Variants in KMT2D observed in about 807,000 individuals in gnomAD.
KMT2D encodes the protein lysine methyltransferase 2D.
KMT2D carries 55 observed loss-of-function variants against 512.7 expected under a neutral mutation model. The observed-to-expected ratio is 0.11, with a 90% CI of 0.09 to 0.13. The LOEUF (loss-of-function observed/expected upper bound fraction) is 0.13, where lower values mean the gene tolerates loss of function less well. Among genes scored for constraint, KMT2D ranks in the 10% least tolerant of loss-of-function variants. The pLI, the probability that KMT2D is intolerant of heterozygous loss-of-function variation, is 1.00. For missense variants in KMT2D, 6,061 were observed against 7,127.9 expected, an observed-to-expected ratio of 0.85 and a Z score of 5.39; for synonymous variants, 2,995 against 2,904.0, an observed-to-expected ratio of 1.03 and a Z score of -1.01.
chr12:49,024,202 G>A lies in KMT2D; in HGVS notation c.16052+376C>T. The A allele has an allele frequency of 1.6e-5, 7 of 441,116 alleles. No homozygotes were observed. The highest frequency in any genetic ancestry group is 3.1e-5 in the Non-Finnish European group (7 of 229,346). The allele number at this position is 441,116 out of a possible 1,614,324, so 27.3% of individuals were successfully genotyped here. On this transcript the variant is annotated intron_variant, in intron 51 of 54. Coordinates refer to ENST00000301067, the MANE Select transcript of KMT2D (RefSeq NM_003482.4). This position sits in a 1 kb window ranked among gnomAD's most constrained non-coding sequence, Gnocchi z 4.5. Reference sequence around the variant, plus strand: ...TTTTGACACCAACACTCATGGGGAAGGGAAGGTGACCCTAGCACCCATGGG... The same window carrying A: ...TTTTGACACCAACACTCATGGGGAAAGGAAGGTGACCCTAGCACCCATGGG...
At position 49,060,236 on chromosome 12, in the gene KMT2D, C is replaced by G. The variant is rs1229007222; in HGVS notation, c.-661G>C. Among the ~76,000 whole-genome samples the G allele has an allele frequency of 6.6e-6, 1 of 152,036 alleles. No individual in the cohort carries two copies. The highest frequency in any genetic ancestry group is 1.9e-4 in the East Asian group (1 of 5,170). The stretch of plus-strand genomic sequence containing the variant: ...CTTCTCGACCCCGAGCGCTCACCCT[C>G]GGCGGCTTCGAGCCCCCCACCTTCT... On this transcript the variant is annotated 5_prime_UTR_variant, in exon 1 of 55. Coordinates refer to ENST00000301067, the MANE Select transcript of KMT2D (RefSeq NM_003482.4).
In KMT2D at chr12:49,041,551, A is replaced by C. The variant is rs1271829549; in HGVS notation, c.6235-16T>G. The C allele has an allele frequency of 6.2e-7, 1 of 1,613,094 alleles. No homozygotes were observed. The highest frequency in any genetic ancestry group is 1.3e-5 in the African/African-American group (1 of 74,964). On this transcript the variant is annotated splice_polypyrimidine_tract_variant and intron_variant, in intron 31 of 54. Coordinates refer to ENST00000301067, the MANE Select transcript of KMT2D (RefSeq NM_003482.4). This position sits in a 1 kb window ranked among gnomAD's most constrained non-coding sequence, Gnocchi z 5.4. ...TCTCAGCCTGCTACAGGGGGAGACC[A>C]GGCATAGGGCAGTCAGGCTGCTGCA...
rs1275062415 is a variant in KMT2D at position 49,053,640 on chromosome 12, C to T, written c.675G>A (p.Glu225=). 7 of 1,591,676 alleles carry T rather than the reference C, an allele frequency of 4.4e-6. No homozygotes were observed. The highest frequency in any genetic ancestry group is 6.0e-6 in the Non-Finnish European group (7 of 1,169,460). The change falls in exon 7 of 55, where the codon GAG becomes GAA. Residue 225 remains glutamate (E), a splice_region_variant and synonymous_variant. Transcript: ENST00000301067. ...CCTCACACACTGCACAGCGAGCCTC[C>T]TCTGCAGGGGGTAGAGACACCACAG... ...PEHSEGAAYL[E]EARCAVCEGP...
rs558509938 is a variant in KMT2D at position 49,051,693 on chromosome 12, G to A, written c.1990C>T (p.Pro664Ser). Reference sequence around the variant, plus strand: ...GACAAGGGAGATTCCTCAGGCGGTGGAGACAGGCGTGACACCACAGGCAGG... The same window carrying A: ...GACAAGGGAGATTCCTCAGGCGGTGAAGACAGGCGTGACACCACAGGCAGG... ...SPLPVVSRLSPPPEESPLSPP... is the reference protein window; with the variant it reads ...SPLPVVSRLSSPPEESPLSPP... Residue 664 changes from proline to serine, a missense_variant, in exon 11 of 55, where the codon CCA becomes TCA. By Grantham distance (74) the Pro-to-Ser change is moderately conservative. Around this residue, in one of 16 missense-constraint regions of KMT2D, gnomAD observed 848 missense variants for 838.5 expected, o/e 1.01. Transcript: ENST00000301067. The A allele has an allele frequency of 6.3e-7, 1 of 1,580,156 alleles. No homozygotes were observed. The highest frequency in any genetic ancestry group is 2.3e-5 in the East Asian group (1 of 44,164).
Position 49,043,616 on chromosome 12 carries a change from T to G in KMT2D, c.5467+19A>C, listed in dbSNP as rs78764337. The G allele has an allele frequency of 0.027, 43,905 of 1,613,334 alleles. 736 individuals carry two copies. The highest frequency in any genetic ancestry group is 0.029 in the Non-Finnish European group (34,751 of 1,179,490). ...AGAAAGTTGGATTCTCTCACACCACTCACTCCCACATAACTAACCTTTCTG... is the reference window on the plus strand; with the variant it reads ...AGAAAGTTGGATTCTCTCACACCACGCACTCCCACATAACTAACCTTTCTG... On this transcript the variant is annotated intron_variant, in intron 24 of 54. Transcript: ENST00000301067.
chr12:49,029,324 TCCATTGG>T, intron 44 of KMT2D, 70 bp downstream of exon 44: 1 of 1,582,640 alleles, frequency 6.3e-7, no homozygotes, highest in Admixed American at 1.7e-5. Context: ...ACTTGAAATC[TCCATTGG>T]CCAAAGGAAA....
At position 49,042,374 on chromosome 12, in the gene KMT2D, G is replaced by A; in HGVS notation, c.5868-44C>T. On this transcript the variant is annotated intron_variant, in intron 28 of 54. Coordinates refer to ENST00000301067, the MANE Select transcript of KMT2D (RefSeq NM_003482.4). The surrounding 1 kb of genome is among the most constrained non-coding windows in gnomAD (Gnocchi z 4.4). ...GAGTCACAGGGCGCAGGGATGCCAA[G>A]TCCCACCCCAGACAAACTGCCTAGA... The A allele has an allele frequency of 6.7e-7, 1 of 1,492,606 alleles. No individual in the cohort carries two copies. The highest frequency in any genetic ancestry group is 8.9e-7 in the Non-Finnish European group (1 of 1,119,630). The allele number at this position is 1,492,606 out of a possible 1,614,324, so 92.5% of individuals were successfully genotyped here.
chr12:49,046,632 G>C lies in KMT2D; in HGVS notation c.4395C>G (p.Pro1465=), dbSNP rs574333340. ...ACCACTTGCACTTCCAGCCGCCCTT[G>C]GGGACGGTGAGCAGTGGGGGGTCCA... is the stretch of plus-strand genomic sequence containing the variant. ...YCLDPPLLTV[P]KGGWKCKWCV... The change falls in exon 16 of 55, where the codon CCC becomes CCG. Residue 1465 remains proline (P), a synonymous_variant. Coordinates refer to ENST00000301067, the MANE Select transcript of KMT2D (RefSeq NM_003482.4). The surrounding 1 kb of genome is among the most constrained non-coding windows in gnomAD (Gnocchi z 4.2). The C allele has an allele frequency of 6.2e-7, 1 of 1,613,062 alleles. No homozygotes were observed. The highest frequency in any genetic ancestry group is 8.5e-7 in the Non-Finnish European group (1 of 1,179,238).
At chr12:49,034,731 T>C in intron 36 of KMT2D, 65 bp from the exon 37 acceptor site, 2 of 1,606,346 alleles carry the variant, frequency 1.2e-6, no homozygotes, top group Non-Finnish European at 1.7e-6. Flanking sequence ...CAAAGAGACG[T>C]GGGACAAGTA....
Position 49,026,502 on chromosome 12 carries a change from A to G in KMT2D, c.15464T>C (p.Val5155Ala), listed in dbSNP as rs779845432. Reference sequence around the variant, plus strand: ...CTTCACCTCGTCCCGCTCAATGTAGACCCGCCGGAAGACAGCAAAAGAGCT... The same window carrying G: ...CTTCACCTCGTCCCGCTCAATGTAGGCCCGCCGGAAGACAGCAAAAGAGCT... ...ELSSFAVFRR[V>A]YIERDEVKQI... The change falls in exon 49 of 55, where the codon GTC becomes GCC. Residue 5155 changes from valine to alanine, a missense_variant. Physicochemically the swap from Val to Ala is moderately conservative, Grantham distance 64. Coordinates refer to ENST00000301067, the MANE Select transcript of KMT2D (RefSeq NM_003482.4). This position sits in a 1 kb window ranked among gnomAD's most constrained non-coding sequence, Gnocchi z 9.6. 1 of 1,613,726 alleles carries G rather than the reference A, an allele frequency of 6.2e-7. No individual in the cohort carries two copies.
At chr12:49,053,763 C>T in intron 6 of KMT2D, 122 bp from the exon 7 acceptor site, 1 of 1,227,640 alleles carries the variant, frequency 8.1e-7, no homozygotes, top group South Asian at 1.5e-5. Context: ...TACTGAGTGC[C>T]TGCCCAACGT....
In KMT2D at chr12:49,060,580, C is replaced by T. The variant is rs1938692764; in HGVS notation, c.-1005G>A. On this transcript the variant is annotated 5_prime_UTR_variant, in exon 1 of 55. Transcript: ENST00000301067. ...AACCGGAGAGGAAAGTAGTGCAGCG[C>T]GGCGCCGCTCCGCCTCCCCCCCTCC... 6.6e-6 allele frequency among the ~76,000 whole-genome samples: 1 copy of T among 152,112 alleles called. No individual in the cohort carries two copies. Among genetic ancestry groups the T allele is most frequent in the Non-Finnish European group, 1.5e-5 (1 of 67,988 alleles).
rs753121118 is a variant in KMT2D, at chr12:49,041,260, T to G, written c.6510A>C (p.Gln2170His). Residue 2170 changes from glutamine to histidine, a missense_variant, in exon 32 of 55, where the codon CAA (glutamine) becomes CAC (histidine). Coordinates refer to ENST00000301067, the MANE Select transcript of KMT2D (RefSeq NM_003482.4). This position sits in a 1 kb window ranked among gnomAD's most constrained non-coding sequence, Gnocchi z 5.4. ...GTCCAAAGGGGTCCTGCGAAGGCAC[T>G]TGGGCGGGCACCTGGGGTGGGAGCT... ...FLKLPPQVPA[Q>H]VPSQDPFGLA... 2 of 1,518,196 alleles carry G rather than the reference T, an allele frequency of 1.3e-6. No homozygotes were observed. The highest frequency in any genetic ancestry group is 4.5e-5 in the Admixed American group (2 of 44,202). 94.0% of individuals were successfully genotyped at this position (1,518,196 alleles called of 1,614,324 possible).
Position 49,030,219 on chromosome 12 carries a change from C to T in KMT2D, c.13999+61G>A, listed in dbSNP as rs1057369361. 6 of 1,434,612 alleles carry T rather than the reference C, an allele frequency of 4.2e-6. No individual in the cohort carries two copies. In the African/African-American group the frequency reaches 7.0e-5, roughly 17 times the overall value. The allele number at this position is 1,434,612 out of a possible 1,614,324, so 88.9% of individuals were successfully genotyped here. On this transcript the variant is annotated intron_variant, in intron 43 of 54. Coordinates refer to ENST00000301067, the MANE Select transcript of KMT2D (RefSeq NM_003482.4). Reference sequence around the variant, plus strand: ...ACTAATTTCTAAACTGTACAGCATACTAACTGGTTTGGACTCCAGCTACCA... The same window carrying T: ...ACTAATTTCTAAACTGTACAGCATATTAACTGGTTTGGACTCCAGCTACCA...
At position 49,060,352 on chromosome 12, in the gene KMT2D, C is replaced by G. The variant is rs762420238; in HGVS notation, c.-777G>C. ...CTCTGCCCGCTCCCCTCCGGCCGCT[C>G]CAGGCCCTGCGCTCGCCTCCCTTCC... On this transcript the variant is annotated 5_prime_UTR_variant, in exon 1 of 55. Transcript: ENST00000301067. 3.9e-5 allele frequency among the ~76,000 whole-genome samples: 6 copies of G among 151,944 alleles called. No homozygotes were observed. Among genetic ancestry groups the G allele is most frequent in the Non-Finnish European group, 8.8e-5 (6 of 67,914 alleles).
chr12:49,039,413 T>C lies in KMT2D; in HGVS notation c.8229+22A>G, dbSNP rs776030684. 3 of 1,602,060 alleles carry C rather than the reference T, an allele frequency of 1.9e-6. No individual in the cohort carries two copies. Among genetic ancestry groups the C allele is most frequent in the South Asian group, 1.1e-5 (1 of 89,748 alleles). On this transcript the variant is annotated intron_variant, in intron 33 of 54. Coordinates refer to ENST00000301067, the MANE Select transcript of KMT2D (RefSeq NM_003482.4). The surrounding 1 kb of genome is among the most constrained non-coding windows in gnomAD (Gnocchi z 5.0). The stretch of plus-strand genomic sequence containing the variant: ...GCAACCTTCAATATCCTGGCCCCAC[T>C]ATCCCTTGCCACTCTACCTACCTGT...
chr12:49,053,853 C>T, intron 6 of KMT2D, 125 bp downstream of exon 6: 2 of 1,183,538 alleles, frequency 1.7e-6, no homozygotes, highest in Middle Eastern at 2.0e-4. Context: ...AAGTTCACAC[C>T]TATTTTAGTG....
intron 14 of KMT2D, 25 bp downstream of exon 14, chr12:49,048,634 T>C (rs779940870): frequency 6.9e-7 from 1 of 1,443,698 alleles, no homozygotes; most frequent in Admixed American, 1.7e-5. Flanking sequence ...CAATGTTCAG[T>C]GTGCCAGGTC....
chr12:49,030,138 G>A (rs986616415), intron 43 of KMT2D, 142 bp downstream of exon 43: 17 of 652,916 alleles, frequency 2.6e-5, no homozygotes, highest in African/African-American at 2.6e-4. Flanking sequence ...GTCCTGAAAG[G>A]GCCCTTCCTA....
Sources: gnomAD v4.1 joint callset for allele counts (sites outside exome capture counted in the v4.1 genomes callset) on GRCh38, gnomAD v4.1.1 for gene constraint, gnomAD v4.1.1 regional missense constraint, Gnocchi (gnomAD v3.1) non-coding constraint, MANE v1.5 for transcripts, NCBI Gene and HGNC (gene_info 2026-07-23, HGNC 2026-07-21) for gene names.